OTOF: variants seen among roughly 807,000 people sequenced by gnomAD.
OTOF encodes the protein otoferlin.
In OTOF, 218 loss-of-function variants were observed where a neutral mutation model predicts 236.8. The ratio of observed to expected loss-of-function variants is 0.92; its 90% confidence interval spans 0.82 to 1.03. The LOEUF (loss-of-function observed/expected upper bound fraction) is 1.03, where lower values mean the gene tolerates loss of function less well. Ranked by LOEUF, OTOF falls within the 50% of genes least tolerant of loss-of-function variation. OTOF has a pLI of 0.00. For synonymous variants in OTOF, 1,041 were observed against 1,072.5 expected (o/e 0.97, Z 0.57); for missense variants, 2,590 against 2,694.4 (o/e 0.96, Z 0.86).
rs759422139 is a variant in OTOF, at chr2:26,472,599, G to T, written c.3784C>A (p.His1262Asn). ...RVLCNGGSSS[H>N]STGEVVVTME... Reference sequence around the variant, plus strand: ...GTCACCACAACCTCCCCTGTGGAGTGAGAGGAGGAGCCCCCATTGCACAGC... The same window carrying T: ...GTCACCACAACCTCCCCTGTGGAGTTAGAGGAGGAGCCCCCATTGCACAGC... Residue 1262 changes from histidine to asparagine, a missense_variant, in exon 30 of 47, where the codon CAC becomes AAC. By Grantham distance (68) the His-to-Asn change is moderately conservative. Coordinates refer to ENST00000272371, the MANE Select transcript of OTOF (RefSeq NM_194248.3). 3 of 1,613,124 alleles carry T rather than the reference G, an allele frequency of 1.9e-6. No individual in the cohort carries two copies. The South Asian group carries it at 3.3e-5, about 18-fold the overall frequency.
chr2:26,481,220 G>C (rs1052728838), intron 14 of OTOF, among the ~76,000 whole-genome samples: 1 of 152,220 alleles, frequency 6.6e-6, no homozygotes, highest in Non-Finnish European at 1.5e-5. Flanking sequence ...GCCTGAGCTG[G>C]AAGCAGTGGG....
chr2:26,464,102 C>T lies in OTOF; in HGVS notation c.4965G>A (p.Gln1655=). 6.2e-7 allele frequency: 1 copy of T among 1,613,512 alleles called. No individual in the cohort carries two copies. The highest frequency in any genetic ancestry group is 1.7e-5 in the Admixed American group (1 of 60,022). The change falls in exon 40 of 47, where the codon CAG becomes CAA. Residue 1655 remains glutamine, a synonymous_variant. Transcript: ENST00000272371. ...CCACATGCTCGTCTGTGGGCTTCCT[C>T]TGACCTGTGGGTGCCGGCGGCTCAG... ...GPSEIEDENG[Q]RKPTDEHVAL...
At chr2:26,518,878 G>T in intron 4 of OTOF, 132 bp downstream of exon 4, 1 of 730,544 alleles carries the variant, frequency 1.4e-6, no homozygotes, top group Non-Finnish European at 2.5e-6. Context: ...TCTGACCTGA[G>T]TCTCCTCCTC....
intron 14 of OTOF, among the ~76,000 whole-genome samples, chr2:26,481,924 G>A (rs932312769): frequency 6.6e-6 from 1 of 152,042 alleles, no homozygotes; most frequent in Non-Finnish European, 1.5e-5. Flanking sequence ...TGAGCACTTT[G>A]ATCCAGGAAT....
chr2:26,557,822 T>C lies in OTOF; in HGVS notation c.79+671A>G, dbSNP rs531717484. ...ATACCTGTCCTGCTTGTTCCACGCC[T>C]GCCCAACAGATGCAGGCTCCTTGGG... On this transcript the variant is annotated intron_variant, in intron 1 of 46. Transcript: ENST00000272371. 5.0e-4 allele frequency among the ~76,000 whole-genome samples: 76 copies of C among 151,684 alleles called. No individual in the cohort carries two copies. The South Asian group carries it at 0.011, about 23-fold the overall frequency.
At chr2:26,483,984 T>C (rs556560995) in intron 12 of OTOF, among the ~76,000 whole-genome samples, 240 of 152,366 alleles carry the variant, frequency 1.6e-3, no homozygotes, top group African/African-American at 4.0e-3. Context: ...TTTTATAGTT[T>C]TGTGCCGTAT....
chr2:26,461,587 C>T lies in OTOF; in HGVS notation c.5533+109G>A. ...ACCCCTGGCTCTGATGGACTGGAAG[C>T]AATGACCCCTTGTCCCCCCAAGGCA... On this transcript the variant is annotated intron_variant, in intron 43 of 46. Coordinates refer to ENST00000272371, the MANE Select transcript of OTOF (RefSeq NM_194248.3). This position sits in a 1 kb window ranked among gnomAD's most constrained non-coding sequence, Gnocchi z 6.2. 1 of 1,470,168 alleles carries T rather than the reference C, an allele frequency of 6.8e-7. No individual in the cohort carries two copies. Among genetic ancestry groups the T allele is most frequent in the Non-Finnish European group, 9.3e-7 (1 of 1,070,292 alleles). 91.1% of individuals were successfully genotyped at this position (1,470,168 alleles called of 1,614,324 possible).
At chr2:26,478,110 T>C in intron 18 of OTOF, 1 of 1,245,918 alleles carries the variant, frequency 8.0e-7, no homozygotes, top group Non-Finnish European at 1.0e-6. Flanking sequence ...GATCCTGACG[T>C]CACTCCAGAA....
intron 5 of OTOF, among the ~76,000 whole-genome samples, chr2:26,507,306 C>G (rs905640468): frequency 1.3e-5 from 2 of 152,212 alleles, no homozygotes; most frequent in African/African-American, 4.8e-5. Flanking sequence ...ATCACTGCCA[C>G]TAGCCTTTGT....
In OTOF at chr2:26,489,742, T is replaced by C; in HGVS notation, c.898-2A>G. The C allele has an allele frequency of 3.1e-6, 5 of 1,612,240 alleles. No homozygotes were observed. The highest frequency in any genetic ancestry group is 3.4e-6 in the Non-Finnish European group (4 of 1,179,326). On this transcript the variant is annotated splice_acceptor_variant, in intron 9 of 46. Transcript: ENST00000272371. LOFTEE classifies it high-confidence loss of function. ...GACATGGAAGTCGAAGACGAAGTAC[T>C]GGAGGGGGAAGGATCCAGGCCTGCT...
At chr2:26,534,652 TTCA>T (rs1340315589) in intron 2 of OTOF, among the ~76,000 whole-genome samples, 2 of 152,166 alleles carry the variant, frequency 1.3e-5, no homozygotes, top group African/African-American at 2.4e-5. Context: ...TGTCTCTCAT[TTCA>T]TCTTTTTTTA....
intron 1 of OTOF, among the ~76,000 whole-genome samples, chr2:26,547,100 A>T (rs534285190): frequency 1.3e-5 from 2 of 152,288 alleles, no homozygotes; most frequent in African/African-American, 4.8e-5. Context: ...ATATTTCTGA[A>T]TTAAGTATAA....
chr2:26,553,894 T>C lies in OTOF; in HGVS notation c.79+4599A>G, dbSNP rs1185982925. On this transcript the variant is annotated intron_variant, in intron 1 of 46. Coordinates refer to ENST00000272371, the MANE Select transcript of OTOF (RefSeq NM_194248.3). ...CTTGCTAATATTTGTTAGGCTTGAC[T>C]GGGCGCAGTGGCTCACACCTGTAAT... Among the ~76,000 whole-genome samples, 5 of 152,134 alleles carry C rather than the reference T, an allele frequency of 3.3e-5. No individual in the cohort carries two copies. The East Asian group carries it at 7.7e-4, about 23-fold the overall frequency.
chr2:26,532,830 T>C (rs548672850), intron 2 of OTOF, among the ~76,000 whole-genome samples: 1 of 152,286 alleles, frequency 6.6e-6, no homozygotes, highest in South Asian at 2.1e-4. Flanking sequence ...TTCCCTGATG[T>C]ACCTTGGAGA....
chr2:26,477,901 T>C lies in OTOF; in HGVS notation c.2215-152A>G, dbSNP rs774767937. 9 of 1,535,760 alleles carry C rather than the reference T, an allele frequency of 5.9e-6. No individual in the cohort carries two copies. In the Admixed American group the frequency reaches 1.6e-4, roughly 28 times the overall value. On this transcript the variant is annotated intron_variant, in intron 18 of 46. Transcript: ENST00000272371. This position sits in a 1 kb window ranked among gnomAD's most constrained non-coding sequence, Gnocchi z 4.7. ...CTGAGTATCGGTCATCATGAGGAAG[T>C]CATCAATTTCCCAGGTTCTGTTCTC... is the stretch of plus-strand genomic sequence containing the variant.
At chr2:26,527,771 G>T in intron 3 of OTOF, 61 bp downstream of exon 3, 1 of 1,208,152 alleles carries the variant, frequency 8.3e-7, no homozygotes, top group Non-Finnish European at 1.2e-6. Flanking sequence ...GGTAGCCCAA[G>T]GAGAAGAGCA....
intron 4 of OTOF, 127 bp downstream of exon 4, chr2:26,518,883 C>T: frequency 1.3e-6 from 1 of 743,126 alleles, no homozygotes; most frequent in Non-Finnish European, 2.4e-6. Context: ...CCTGAGTCTC[C>T]TCCTCCTGCG....
chr2:26,522,602 G>A (rs1349018526), intron 3 of OTOF, among the ~76,000 whole-genome samples: 1 of 152,234 alleles, frequency 6.6e-6, no homozygotes, highest in African/African-American at 2.4e-5. Context: ...CTGGGAGAGT[G>A]GGGCCCAGGA....
chr2:26,510,343 C>A (rs920099390), intron 5 of OTOF, among the ~76,000 whole-genome samples: 12 of 152,104 alleles, frequency 7.9e-5, no homozygotes, highest in African/African-American at 2.9e-4. Context: ...GGTCCTCATG[C>A]CCCTCTCCCC....
Sources: gnomAD v4.1 joint callset for allele counts (sites outside exome capture counted in the v4.1 genomes callset) on GRCh38, gnomAD v4.1.1 for gene constraint, Gnocchi (gnomAD v3.1) non-coding constraint, MANE v1.5 for transcripts, NCBI Gene and HGNC (gene_info 2026-07-23, HGNC 2026-07-21) for gene names.